Variants in MYO16 observed in about 807,000 individuals in gnomAD.
MYO16 encodes unconventional myosin-XVI.
In MYO16, 94 loss-of-function variants were observed where a neutral mutation model predicts 205.3. That is an observed-to-expected ratio of 0.46 (90% CI 0.39 to 0.54). MYO16 has a LOEUF of 0.54. MYO16 is among the 20% of genes least tolerant of loss of function. The pLI, the probability that MYO16 is intolerant of heterozygous loss-of-function variation, is 0.00. For missense variants in MYO16, 2,315 were observed against 2,387.5 expected (o/e 0.97, Z 0.63); for synonymous variants, 988 against 954.0 (o/e 1.04, Z -0.66).
chr13:108,500,221 GT>G, the MYO16 span, among the ~76,000 whole-genome samples: 1 of 17,408 alleles, frequency 5.7e-5, no homozygotes, highest in African/African-American at 2.3e-4. Context: ...TTTTTTTTTT[GT>G]TTTTTTTTTG....
chr13:108,507,567 T>C, the MYO16 span, among the ~76,000 whole-genome samples: 1 of 152,298 alleles, frequency 6.6e-6, no homozygotes, highest in South Asian at 2.1e-4. Flanking sequence ...CTTTGACTTT[T>C]GCCAGTTTGA....
chr13:108,928,289 C>T (rs768280423), intron 16 of MYO16, among the ~76,000 whole-genome samples: 5 of 152,080 alleles, frequency 3.3e-5, no homozygotes, highest in East Asian at 3.9e-4. Flanking sequence ...ATCACGTGTC[C>T]GGTAAATGCA....
At chr13:108,651,483 A>C (rs1231665115) in intron 1 of MYO16, among the ~76,000 whole-genome samples, 1 of 152,232 alleles carries the variant, frequency 6.6e-6, no homozygotes, top group Non-Finnish European at 1.5e-5. Context: ...TAAGTGTCAG[A>C]AAGCATAGAT....
intron 1 of MYO16, among the ~76,000 whole-genome samples, chr13:108,650,966 C>T (rs1880975600): frequency 6.6e-6 from 1 of 152,226 alleles, no homozygotes; most frequent in African/African-American, 2.4e-5. Context: ...AGACCCTTGG[C>T]TGATGCTTCA....
At chr13:108,968,377 A>G (rs535542638) in intron 20 of MYO16, among the ~76,000 whole-genome samples, 21 of 152,312 alleles carry the variant, frequency 1.4e-4, no homozygotes, top group African/African-American at 3.8e-4. Flanking sequence ...TGGGAGGCCA[A>G]CGCGGGTGGA....
intron 2 of MYO16, among the ~76,000 whole-genome samples, chr13:108,692,133 A>AT (rs1407591165): frequency 7.2e-5 from 11 of 152,250 alleles, no homozygotes; most frequent in Non-Finnish European, 1.3e-4. Flanking sequence ...AAAAGACATC[A>AT]TGAATCAAAT....
intron 1 of MYO16, chr13:108,659,326 A>T (rs1028958660): frequency 8.1e-6 from 3 of 371,566 alleles, no homozygotes; most frequent in Non-Finnish European, 1.6e-5. Context: ...ACACATATAT[A>T]CACACACATA....
chr13:108,759,694 G>A (rs75040548), intron 4 of MYO16, among the ~76,000 whole-genome samples: 14,588 of 149,988 alleles, frequency 0.097, 987 homozygotes, highest in Non-Finnish European at 0.15. Context: ...GGGGGCAGGC[G>A]CCTATAGTCC....
intron 4 of MYO16, among the ~76,000 whole-genome samples, chr13:108,776,259 A>G (rs542534782): frequency 9.3e-4 from 142 of 152,332 alleles, no homozygotes; most frequent in African/African-American, 3.2e-3. Flanking sequence ...GACTCTGCAC[A>G]TAGCATGAAT....
At chr13:108,520,738 G>T in the MYO16 span, among the ~76,000 whole-genome samples, 1 of 152,112 alleles carries the variant, frequency 6.6e-6, no homozygotes, top group Non-Finnish European at 1.5e-5. Flanking sequence ...AAGCATAGAA[G>T]ACAAATGAGA....
the MYO16 span, among the ~76,000 whole-genome samples, chr13:108,496,320 G>T: frequency 6.6e-6 from 1 of 152,222 alleles, no homozygotes; most frequent in Admixed American, 6.5e-5. Context: ...GGGAAGCGGC[G>T]TGGTCACCTA....
chr13:108,661,945 T>C (rs561911421), intron 1 of MYO16, among the ~76,000 whole-genome samples: 2 of 152,302 alleles, frequency 1.3e-5, no homozygotes, highest in East Asian at 3.9e-4. Flanking sequence ...GGCTGAAGGC[T>C]GTTGTTCAGA....
intron 34 of MYO16, among the ~76,000 whole-genome samples, chr13:109,203,067 A>G (rs750147929): frequency 8.5e-5 from 13 of 152,212 alleles, no homozygotes; most frequent in Non-Finnish European, 1.8e-4. Context: ...CAAGGACTTA[A>G]ATCTAAGACC....
chr13:108,581,872 G>A, the MYO16 span, among the ~76,000 whole-genome samples: 4 of 141,332 alleles, frequency 2.8e-5, no homozygotes, highest in South Asian at 4.5e-4. Context: ...GAAGCGAAAC[G>A]CTGTCTCGAA....
At position 108,778,553 on chromosome 13, in the gene MYO16, AG is replaced by A. The variant is rs1281972260; in HGVS notation, c.508-7080del. On this transcript the variant is annotated intron_variant, in intron 4 of 34. Transcript: ENST00000457511. ...AGAATCGCTTGAACCCGGGAGGCGAAGGTTGCAATCAGCCAAGATCGCGCCA... is the reference window on the plus strand; with the variant it reads ...AGAATCGCTTGAACCCGGGAGGCGAAGTTGCAATCAGCCAAGATCGCGCCA... Among the ~76,000 whole-genome samples, 7 of 152,348 alleles carry A rather than the reference AG, an allele frequency of 4.6e-5. No individual in the cohort carries two copies. The East Asian group carries it at 1.4e-3, about 29-fold the overall frequency.
intron 16 of MYO16, among the ~76,000 whole-genome samples, chr13:108,922,844 A>G (rs1311001292): frequency 1.3e-5 from 2 of 152,360 alleles, no homozygotes; most frequent in Non-Finnish European, 2.9e-5. Context: ...TAAAATGACA[A>G]TAACCAACAT....
intron 9 of MYO16, among the ~76,000 whole-genome samples, chr13:108,828,958 T>G (rs1355064748): frequency 6.6e-6 from 1 of 152,216 alleles, no homozygotes; most frequent in African/African-American, 2.4e-5. Flanking sequence ...GTATCCTTTA[T>G]GATAAAGCTG....
intron 11 of MYO16, among the ~76,000 whole-genome samples, chr13:108,862,159 A>G (rs972347186): frequency 6.6e-6 from 1 of 152,182 alleles, no homozygotes; most frequent in Non-Finnish European, 1.5e-5. Context: ...AAAAATCAAA[A>G]TCCCCAAAGT....
At chr13:109,070,064 G>T (rs1198055457) in intron 27 of MYO16, among the ~76,000 whole-genome samples, 1 of 152,148 alleles carries the variant, frequency 6.6e-6, no homozygotes, top group Non-Finnish European at 1.5e-5. Flanking sequence ...ATCTAATACT[G>T]TATGTGGCTA....
Sources: gnomAD v4.1 joint callset for allele counts (sites outside exome capture counted in the v4.1 genomes callset) on GRCh38, gnomAD v4.1.1 for gene constraint, MANE v1.5 for transcripts, NCBI Gene and HGNC (gene_info 2026-07-23, HGNC 2026-07-21) for gene names.